NUBPL: variants seen among roughly 807,000 people sequenced by gnomAD.
NUBPL encodes the protein NUBP iron-sulfur cluster assembly factor, mitochondrial, also known as iron-sulfur cluster transfer protein NUBPL.
In NUBPL, 31 loss-of-function variants were observed where a neutral mutation model predicts 45.7. The ratio of observed to expected loss-of-function variants is 0.68; its 90% CI spans 0.51 to 0.92. NUBPL has a LOEUF of 0.92. Ranked by LOEUF, NUBPL falls within the 40% of genes least tolerant of loss-of-function variation. NUBPL has a pLI of 0.00. For missense variants in NUBPL, 401 were observed against 398.7 expected, an observed-to-expected ratio of 1.01 and a Z score of -0.05; for synonymous variants, 144 against 140.9, an observed-to-expected ratio of 1.02 and a Z score of -0.15.
intron 6 of NUBPL, among the ~76,000 whole-genome samples, chr14:31,698,039 AT>A (rs1427798894): frequency 6.6e-6 from 1 of 152,174 alleles, no homozygotes; most frequent in Non-Finnish European, 1.5e-5. Flanking sequence ...AGTACTGGAG[AT>A]TATGACCTCT....
intron 4 of NUBPL, among the ~76,000 whole-genome samples, chr14:31,611,761 A>G (rs546023665): frequency 1.8e-4 from 28 of 152,320 alleles, no homozygotes; most frequent in Non-Finnish European, 3.7e-4. Context: ...CCCAGAAACA[A>G]ATATACACAC....
intron 4 of NUBPL, among the ~76,000 whole-genome samples, chr14:31,645,203 C>T (rs1043801121): frequency 6.6e-6 from 1 of 151,916 alleles, no homozygotes; most frequent in African/African-American, 2.4e-5. Context: ...GTAACTGGGA[C>T]TACAGGCGCC....
At chr14:31,847,121 C>T (rs1202419476) in intron 9 of NUBPL, among the ~76,000 whole-genome samples, 1 of 152,084 alleles carries the variant, frequency 6.6e-6, no homozygotes, top group Non-Finnish European at 1.5e-5. Flanking sequence ...TAAAAACTGT[C>T]TATAACTTAA....
chr14:31,798,880 C>T (rs974544510), intron 7 of NUBPL, among the ~76,000 whole-genome samples: 2 of 149,216 alleles, frequency 1.3e-5, no homozygotes, highest in East Asian at 2.0e-4. Flanking sequence ...CTAATTCTCT[C>T]TCCTTACCTG....
intron 7 of NUBPL, among the ~76,000 whole-genome samples, chr14:31,818,704 A>T (rs1015471588): frequency 6.6e-6 from 1 of 151,984 alleles, no homozygotes; most frequent in African/African-American, 2.4e-5. Context: ...GCCGGCCACC[A>T]CGCCCGGCTA....
In NUBPL at chr14:31,829,779, TTTC is replaced by T. The variant is rs1224410434; in HGVS notation, c.693+3068_693+3070del. 2.0e-5 allele frequency among the ~76,000 whole-genome samples: 3 copies of T among 152,294 alleles called. No homozygotes were observed. The South Asian group carries it at 6.2e-4, about 32-fold the overall frequency. ...AACATATTGAAGTTAATTTAAATGA[TTTC>T]TTAAAACTCAAGGCTTAGATAGGGG... On this transcript the variant is annotated intron_variant, in intron 8 of 10. Coordinates refer to ENST00000281081, the MANE Select transcript of NUBPL (RefSeq NM_025152.3).
chr14:31,629,107 T>C (rs924924506), intron 4 of NUBPL, among the ~76,000 whole-genome samples: 1 of 152,198 alleles, frequency 6.6e-6, no homozygotes, highest in Non-Finnish European at 1.5e-5. Flanking sequence ...TCTTGGATCA[T>C]CTGAAAGATT....
Position 31,753,098 on chromosome 14 carries a change from A to T in NUBPL, c.514-34682A>T, listed in dbSNP as rs115824131. ...TAGTGACACAGAACCAAACCATATC[A>T]CAGCGTCAGTGATGTCTGCAAATGA... On this transcript the variant is annotated intron_variant, in intron 6 of 10. Coordinates refer to ENST00000281081, the MANE Select transcript of NUBPL (RefSeq NM_025152.3). Among the ~76,000 whole-genome samples the T allele has an allele frequency of 6.0e-3, 916 of 152,350 alleles. 9 individuals carry two copies. Among genetic ancestry groups the T allele is most frequent in the African/African-American group, 0.021 (857 of 41,574 alleles).
chr14:31,717,925 T>A (rs547270634), intron 6 of NUBPL, among the ~76,000 whole-genome samples: 1 of 152,300 alleles, frequency 6.6e-6, no homozygotes, highest in South Asian at 2.1e-4. Flanking sequence ...AAGATACTAG[T>A]GGCTAATTGC....
intron 4 of NUBPL, among the ~76,000 whole-genome samples, chr14:31,636,940 C>T (rs2035521530): frequency 6.6e-6 from 1 of 152,086 alleles, no homozygotes; most frequent in African/African-American, 2.4e-5. Context: ...GGTGATATCC[C>T]ATTTATCATT....
At chr14:31,651,620 C>T (rs779940733) in intron 4 of NUBPL, among the ~76,000 whole-genome samples, 112 of 152,118 alleles carry the variant, frequency 7.4e-4, no homozygotes, top group Admixed American at 1.3e-3. Flanking sequence ...AATGTGTGGC[C>T]GGGCGTGGTG....
At chr14:31,807,969 T>C (rs2039723270) in intron 7 of NUBPL, among the ~76,000 whole-genome samples, 1 of 152,220 alleles carries the variant, frequency 6.6e-6, no homozygotes, top group Non-Finnish European at 1.5e-5. Context: ...TCTGTTCTGT[T>C]CCATTGATCT....
chr14:31,805,598 G>A (rs2039670250), intron 7 of NUBPL, among the ~76,000 whole-genome samples: 1 of 151,298 alleles, frequency 6.6e-6, no homozygotes, highest in Admixed American at 6.6e-5. Context: ...AAAAAAGAAT[G>A]TTCCTTTGCG....
In NUBPL at chr14:31,773,491, A is replaced by T. The variant is rs1471616886; in HGVS notation, c.514-14289A>T. ...GGGAGCATAAACTGAAGTTGAGAAGATAGTTACATATAAAAAAATTATCCC... is the reference window on the plus strand; with the variant it reads ...GGGAGCATAAACTGAAGTTGAGAAGTTAGTTACATATAAAAAAATTATCCC... On this transcript the variant is annotated intron_variant, in intron 6 of 10. Coordinates refer to ENST00000281081, the MANE Select transcript of NUBPL (RefSeq NM_025152.3). Among the ~76,000 whole-genome samples the T allele has an allele frequency of 3.3e-5, 5 of 152,144 alleles. No homozygotes were observed. The South Asian group carries it at 1.0e-3, about 32-fold the overall frequency.
intron 7 of NUBPL, among the ~76,000 whole-genome samples, chr14:31,807,231 C>G (rs184243393): frequency 1.6e-4 from 24 of 152,328 alleles, no homozygotes; most frequent in Admixed American, 1.6e-3. Flanking sequence ...AGTTTACATT[C>G]CCACCAACAG....
intron 4 of NUBPL, 32 bp downstream of exon 4, chr14:31,599,411 T>A: frequency 1.0e-5 from 15 of 1,429,620 alleles, no homozygotes; most frequent in Non-Finnish European, 1.4e-5. Context: ...ATTATAATAA[T>A]AGTTGCACTT....
intron 3 of NUBPL, among the ~76,000 whole-genome samples, chr14:31,580,248 A>G (rs1180246538): frequency 1.3e-5 from 2 of 152,204 alleles, no homozygotes; most frequent in African/African-American, 4.8e-5. Flanking sequence ...GTTTAAGTGT[A>G]TTGGAAGAGA....
chr14:31,621,461 G>T (rs4981865), intron 4 of NUBPL, among the ~76,000 whole-genome samples: 42 of 152,020 alleles, frequency 2.8e-4, no homozygotes, highest in African/African-American at 9.9e-4. Flanking sequence ...TGCGAAGACC[G>T]TGGGAAATGT....
chr14:31,618,406 G>A (rs1023922119), intron 4 of NUBPL, among the ~76,000 whole-genome samples: 5 of 151,980 alleles, frequency 3.3e-5, no homozygotes, highest in African/African-American at 1.2e-4. Flanking sequence ...TCTCTTTTGG[G>A]CATTTAGTGC....
Sources: gnomAD v4.1 joint callset for allele counts (sites outside exome capture counted in the v4.1 genomes callset) on GRCh38, gnomAD v4.1.1 for gene constraint, MANE v1.5 for transcripts, NCBI Gene and HGNC (gene_info 2026-07-23, HGNC 2026-07-21) for gene names.